COP1: variants seen among roughly 807,000 people sequenced by gnomAD.
COP1 encodes E3 ubiquitin-protein ligase COP1.
A neutral mutation model predicts 101.3 loss-of-function variants in COP1; 24 were observed. That is an observed-to-expected ratio of 0.24 (90% confidence interval 0.17 to 0.33). The LOEUF (loss-of-function observed/expected upper bound fraction) is 0.33, where lower values mean the gene tolerates loss of function less well. Ranked by LOEUF, COP1 falls within the 10% of genes least tolerant of loss-of-function variation. The pLI, the probability that COP1 is intolerant of heterozygous loss-of-function variation, is 1.00. For missense variants in COP1, 663 were observed against 906.2 expected (o/e 0.73, Z 3.45); for synonymous variants, 347 against 341.9 (o/e 1.01, Z -0.17).
intron 9 of COP1, among the ~76,000 whole-genome samples, chr1:176,098,842 C>T (rs560156071): frequency 1.4e-3 from 218 of 152,182 alleles, no homozygotes; most frequent in Non-Finnish European, 2.4e-3. Flanking sequence ...AATTGTCTTT[C>T]CTGATGCCTA....
chr1:176,123,887 T>G (rs1384385878), intron 8 of COP1, among the ~76,000 whole-genome samples: 1 of 152,160 alleles, frequency 6.6e-6, no homozygotes, highest in African/African-American at 2.4e-5. Flanking sequence ...TCTTCCCATA[T>G]TTTCTAAAGT....
intron 10 of COP1, among the ~76,000 whole-genome samples, chr1:176,084,747 T>C (rs180687754): frequency 7.9e-5 from 12 of 152,292 alleles, no homozygotes; most frequent in Admixed American, 1.3e-4. Context: ...GTGAGGCAAA[T>C]TTGTCTGTAG....
chr1:176,143,067 G>GA (rs1354826475), intron 6 of COP1, among the ~76,000 whole-genome samples: 2 of 149,234 alleles, frequency 1.3e-5, no homozygotes, highest in East Asian at 2.0e-4. Context: ...TTAGTTATTA[G>GA]AAAAAAACCC....
intron 6 of COP1, among the ~76,000 whole-genome samples, chr1:176,143,198 C>T (rs1691024563): frequency 6.7e-6 from 1 of 149,722 alleles, no homozygotes; most frequent in Non-Finnish European, 1.5e-5. Context: ...AGGAATGAAC[C>T]CTGGTGACAT....
chr1:176,186,954 T>C lies in COP1; in HGVS notation c.408-2262A>G, dbSNP rs534551389. The stretch of plus-strand genomic sequence containing the variant: ...GTTTACCTCGCACACAGCTCCATCA[T>C]CCGTTAGTTTATTTAAAAAGAAAAA... On this transcript the variant is annotated intron_variant, in intron 1 of 19. Transcript: ENST00000367669. Among the ~76,000 whole-genome samples, 83 of 152,244 alleles carry C rather than the reference T, an allele frequency of 5.5e-4. 1 individual carries two copies. The highest frequency in any genetic ancestry group is 3.3e-4 in the Admixed American group (5 of 15,278).
At chr1:175,977,152 T>TC (rs1654781498) in intron 18 of COP1, among the ~76,000 whole-genome samples, 4 of 152,168 alleles carry the variant, frequency 2.6e-5, no homozygotes, top group Admixed American at 1.3e-4. Context: ...CCTAAAGCTT[T>TC]CTACTTTTAT....
chr1:176,094,033 GAA>G (rs10718811), intron 9 of COP1, among the ~76,000 whole-genome samples: 113 of 145,212 alleles, frequency 7.8e-4, no homozygotes, highest in African/African-American at 2.5e-3. Context: ...AAAAAAAAAG[GAA>G]AAAAAAAAAA....
At chr1:176,163,073 A>C in intron 4 of COP1, 85 bp from the exon 5 acceptor site, 1 of 1,351,914 alleles carries the variant, frequency 7.4e-7, no homozygotes, top group Non-Finnish European at 1.0e-6. Context: ...GCTACTTCCT[A>C]ATATGCTCAT....
intron 9 of COP1, among the ~76,000 whole-genome samples, chr1:176,089,696 C>T (rs993782917): frequency 6.6e-6 from 1 of 152,094 alleles, no homozygotes; most frequent in East Asian, 1.9e-4. Flanking sequence ...TTCTTTCTTG[C>T]CCAAATTCCT....
In COP1 at chr1:176,198,416, T is replaced by G. The variant is rs530257498; in HGVS notation, c.407+8156A>C. Among the ~76,000 whole-genome samples the G allele has an allele frequency of 7.0e-4, 106 of 152,282 alleles. 3 individuals are homozygous for G. Among genetic ancestry groups the G allele is most frequent in the African/African-American group, 2.5e-3 (103 of 41,572 alleles). On this transcript the variant is annotated intron_variant, in intron 1 of 19. Coordinates refer to ENST00000367669, the MANE Select transcript of COP1 (RefSeq NM_022457.7). ...TTTTCAACAAATGATGTTATAATATTAATGAAGCCTTCAACCCTTACCAAA... is the reference window on the plus strand; with the variant it reads ...TTTTCAACAAATGATGTTATAATATGAATGAAGCCTTCAACCCTTACCAAA...
intron 11 of COP1, among the ~76,000 whole-genome samples, chr1:176,058,073 G>A (rs1351034211): frequency 4.0e-5 from 6 of 150,236 alleles, no homozygotes; most frequent in Admixed American, 1.3e-4. Context: ...CGCCCCGGCC[G>A]GGAGGGAGGT....
At chr1:175,949,461 A>G (rs1649608396) in intron 18 of COP1, among the ~76,000 whole-genome samples, 2 of 152,162 alleles carry the variant, frequency 1.3e-5, no homozygotes, top group Admixed American at 1.3e-4. Context: ...GCCTCAGAAA[A>G]CAGCAGAAAG....
At chr1:176,011,857 T>G (rs6704509) in intron 15 of COP1, among the ~76,000 whole-genome samples, 114,422 of 152,080 alleles carry the variant, frequency 0.75, 44,945 homozygotes, top group East Asian at 0.92. Context: ...GTCATTCTGG[T>G]GTACACAAAC....
At chr1:175,993,245 T>C (rs941732908) in intron 15 of COP1, among the ~76,000 whole-genome samples, 10 of 152,124 alleles carry the variant, frequency 6.6e-5, no homozygotes, top group African/African-American at 1.9e-4. Context: ...CCCATCTGTA[T>C]ATCACCACCA....
At position 176,134,967 on chromosome 1, in the gene COP1, T is replaced by G. The variant is rs1689560200; in HGVS notation, c.968+43A>C. ...TAAAGGACTAGACCATATGCATACT[T>G]TGTAATATGAATTCTAATCAATTGC... On this transcript the variant is annotated intron_variant, in intron 8 of 19. Transcript: ENST00000367669. 9 of 1,442,126 alleles carry G rather than the reference T, an allele frequency of 6.2e-6. No homozygotes were observed. The East Asian group carries it at 2.0e-4, about 33-fold the overall frequency. The allele number at this position is 1,442,126 out of a possible 1,614,324, so 89.3% of individuals were successfully genotyped here.
At chr1:176,031,854 T>C (rs938651399) in intron 14 of COP1, among the ~76,000 whole-genome samples, 1 of 152,204 alleles carries the variant, frequency 6.6e-6, no homozygotes, top group Admixed American at 6.5e-5. Flanking sequence ...ATAAAGTATA[T>C]CATCTAATAA....
At chr1:176,163,375 GTT>G (rs1694631526) in intron 4 of COP1, among the ~76,000 whole-genome samples, 1 of 152,124 alleles carries the variant, frequency 6.6e-6, no homozygotes, top group African/African-American at 2.4e-5. Flanking sequence ...TCTTTCAAAG[GTT>G]TGTTTTGTTT....
chr1:176,131,595 T>C (rs1424259359), intron 8 of COP1, among the ~76,000 whole-genome samples: 1 of 151,776 alleles, frequency 6.6e-6, no homozygotes, highest in Non-Finnish European at 1.5e-5. Flanking sequence ...TAGTGAGGAA[T>C]AAGAACAAAA....
Position 176,097,868 on chromosome 1 carries a change from CAA to C in COP1, c.1027-11980_1027-11979del, listed in dbSNP as rs35822200. On this transcript the variant is annotated intron_variant, in intron 9 of 19. Coordinates refer to ENST00000367669, the MANE Select transcript of COP1 (RefSeq NM_022457.7). ...TGGGCAACAGAGTGAAACTCCATCT[CAA>C]AAAAAAAAAAAAAAAAAGCTCTAAT... is the stretch of plus-strand genomic sequence containing the variant. Among the ~76,000 whole-genome samples the C allele has an allele frequency of 2.9e-3, 227 of 79,310 alleles. No individual in the cohort carries two copies. The Middle Eastern group carries it at 0.037, about 13-fold the overall frequency. 52.0% of individuals were successfully genotyped at this position (79,310 alleles called of 152,430 possible).
Sources: allele counts gnomAD v4.1 joint callset (sites outside exome capture counted in the v4.1 genomes callset), GRCh38; gene constraint gnomAD v4.1.1; transcripts MANE v1.5; gene names NCBI Gene and HGNC (gene_info 2026-07-23, HGNC 2026-07-21).